LARP7: variants seen among roughly 807,000 people sequenced by gnomAD.
LARP7 encodes the protein la-related protein 7.
A neutral mutation model predicts 69.3 loss-of-function variants in LARP7; 52 were observed. The observed-to-expected ratio is 0.75, with a 90% CI of 0.60 to 0.95. LARP7 has a LOEUF of 0.95. Ranked by LOEUF, LARP7 falls within the 40% of genes least tolerant of loss-of-function variation. The pLI is 0.00. For missense variants in LARP7, 733 were observed against 673.0 expected (o/e 1.09, Z -0.99); for synonymous variants, 254 against 215.9 (o/e 1.18, Z -1.55).
At chr4:112,641,550 C>T (rs936591249) in intron 1 of LARP7, among the ~76,000 whole-genome samples, 1 of 152,078 alleles carries the variant, frequency 6.6e-6, no homozygotes, top group African/African-American at 2.4e-5. Flanking sequence ...GTTCAGACAA[C>T]GCAGTAGTAG....
chr4:112,653,267 T>C (rs1299032406), intron 11 of LARP7, 31 bp downstream of exon 11: 2 of 1,537,984 alleles, frequency 1.3e-6, no homozygotes, highest in Non-Finnish European at 1.7e-6. Flanking sequence ...CCTTTTTTTT[T>C]TGTTATCATC....
chr4:112,644,039 A>G (rs6843988), intron 1 of LARP7, among the ~76,000 whole-genome samples: 150,674 of 152,066 alleles, frequency 0.99, 74,665 homozygotes, highest in Middle Eastern at 1. Context: ...ACAGCAATTC[A>G]AGACAAACCT....
Position 112,654,075 on chromosome 4 carries a change from C to A in LARP7, c.1584C>A (p.His528Gln). ...CWKLEILSGD[H>Q]EQRYWQKILV... ...TCTTTGTTTGTTTTTAAGGTGATCACGAACAAAGGTATTGGCAGAAGATTT... is the reference window on the plus strand; with the variant it reads ...TCTTTGTTTGTTTTTAAGGTGATCAAGAACAAAGGTATTGGCAGAAGATTT... Residue 528 changes from histidine to glutamine, a missense_variant, in exon 12 of 13, where the codon CAC becomes CAA. His to Gln is a conservative substitution (Grantham distance 24). Coordinates refer to ENST00000344442, the MANE Select transcript of LARP7 (RefSeq NM_016648.4). 6.2e-7 allele frequency: 1 copy of A among 1,612,428 alleles called. No homozygotes were observed. Among genetic ancestry groups the A allele is most frequent in the South Asian group, 1.1e-5 (1 of 91,050 alleles).
In LARP7 at chr4:112,657,286, C is replaced by T. The variant is rs1353582035; in HGVS notation, c.1708C>T (p.Gln570Ter). Residue 570 changes from glutamine to a stop codon, truncating the protein, a stop_gained, in exon 13 of 13, where the codon CAA becomes TAA. Coordinates refer to ENST00000344442, the MANE Select transcript of LARP7 (RefSeq NM_016648.4). LOFTEE classifies it high-confidence loss of function. ...KAEKIRLAKT[Q>*]QASKHIRFSE... ...TGAAAAGATTAGACTGGCAAAGACTCAACAAGCGAGTAAACATATAAGATT... is the reference window on the plus strand; with the variant it reads ...TGAAAAGATTAGACTGGCAAAGACTTAACAAGCGAGTAAACATATAAGATT... The T allele has an allele frequency of 1.3e-6, 2 of 1,587,836 alleles. No homozygotes were observed. The highest frequency in any genetic ancestry group is 2.7e-5 in the African/African-American group (2 of 73,498).
chr4:112,641,089 CTTTAT>C (rs141668123), intron 1 of LARP7, among the ~76,000 whole-genome samples: 2,026 of 152,228 alleles, frequency 0.013, 55 homozygotes, highest in African/African-American at 0.047. Context: ...GGTTTTTGGA[CTTTAT>C]TTTGAGTGTG....
intron 11 of LARP7, 86 bp downstream of exon 11, chr4:112,653,322 GTT>G (rs1331034655): frequency 4.7e-4 from 415 of 874,516 alleles, no homozygotes; most frequent in Middle Eastern, 1.2e-3. Flanking sequence ...AATGAAACTA[GTT>G]TTTTTTTTTT....
At chr4:112,649,777 A>G in intron 9 of LARP7, 91 bp downstream of exon 9, 3 of 815,864 alleles carry the variant, frequency 3.7e-6, no homozygotes, top group Non-Finnish European at 5.3e-6. Flanking sequence ...TTTTAATTTT[A>G]AAAAACTTGA....
chr4:112,648,298 C>T (rs759670726), intron 8 of LARP7: 14 of 527,462 alleles, frequency 2.7e-5, no homozygotes, highest in Non-Finnish European at 3.9e-5. Context: ...CTGTAACAAG[C>T]TTAGTAACCT....
At chr4:112,644,246 A>G (rs1317466840) in intron 1 of LARP7, 2 of 195,558 alleles carry the variant, frequency 1.0e-5, no homozygotes, top group African/African-American at 4.8e-5. Context: ...GTCTCCAAGA[A>G]AAAAAAAAAA....
rs1352102849 is a variant in LARP7 at position 112,653,146 on chromosome 4, A to G, written c.1486A>G (p.Arg496Gly). 1 of 1,611,274 alleles carries G rather than the reference A, an allele frequency of 6.2e-7. No individual in the cohort carries two copies. The highest frequency in any genetic ancestry group is 1.7e-5 in the Admixed American group (1 of 59,604). Residue 496 changes from arginine (R) to glycine (G), a missense_variant, in exon 11 of 13, where the codon AGA becomes GGA. Transcript: ENST00000344442. ...AGAAGGGGATACAGAATGCCATGCT[A>G]GATTTAAAACTCCTGAGGATGCTCA... ...LLEGDTECHA[R>G]FKTPEDAQAV...
rs114318553 is a variant in LARP7 at position 112,648,539 on chromosome 4, T to G, written c.1142+705T>G. The G allele has an allele frequency of 5.7e-3, 3,036 of 529,724 alleles. 16 individuals carry two copies. Among genetic ancestry groups the G allele is most frequent in the Non-Finnish European group, 9.3e-3 (2,400 of 257,270 alleles). The allele number at this position is 529,724 out of a possible 1,614,324, so 32.8% of individuals were successfully genotyped here. A position where few individuals can be genotyped will look rare whatever the true frequency, so the allele number is the denominator to read the frequency against. ...TTTAAAGTCACAGAAAGCACTTCCA[T>G]GTTAAAGTTGAAGGGAGCCCACCCA... On this transcript the variant is annotated intron_variant, in intron 8 of 12. Coordinates refer to ENST00000344442, the MANE Select transcript of LARP7 (RefSeq NM_016648.4).
At chr4:112,644,966 A>ATTTTTTTT (rs2048115316) in intron 2 of LARP7, 95 bp downstream of exon 2, 2 of 102,038 alleles carry the variant, frequency 2.0e-5, no homozygotes, top group African/African-American at 1.3e-4. Context: ...TTTTTTTTTG[A>ATTTTTTTT]GTTGGAGTCT....
At chr4:112,642,646 C>T (rs2048006734) in intron 1 of LARP7, among the ~76,000 whole-genome samples, 1 of 152,210 alleles carries the variant, frequency 6.6e-6, no homozygotes, top group Non-Finnish European at 1.5e-5. Context: ...GTAGATGCAG[C>T]TTCTTCATCC....
intron 1 of LARP7, among the ~76,000 whole-genome samples, chr4:112,643,843 C>T (rs1377048599): frequency 6.6e-6 from 1 of 150,688 alleles, no homozygotes; most frequent in Non-Finnish European, 1.5e-5. Flanking sequence ...CAGAGGAAGA[C>T]TGCCTCAAAG....
At chr4:112,648,949 G>T (rs1255258074) in intron 8 of LARP7, among the ~76,000 whole-genome samples, 2 of 139,950 alleles carry the variant, frequency 1.4e-5, no homozygotes, top group East Asian at 4.2e-4. Flanking sequence ...AAAAGAAAAA[G>T]AAAATCTCCT....
At chr4:112,642,905 C>T (rs182768058) in intron 1 of LARP7, among the ~76,000 whole-genome samples, 2 of 152,348 alleles carry the variant, frequency 1.3e-5, no homozygotes, top group East Asian at 3.9e-4. Context: ...GAAACAGATA[C>T]AACACCCCCA....
chr4:112,644,244 GAAA>G (rs577425889), intron 1 of LARP7: 15 of 83,172 alleles, frequency 1.8e-4, no homozygotes, highest in South Asian at 5.4e-4. Flanking sequence ...CTGTCTCCAA[GAAA>G]AAAAAAAAAA....
At chr4:112,644,167 G>A (rs372849708) in intron 1 of LARP7, 3 of 165,204 alleles carry the variant, frequency 1.8e-5, no homozygotes, top group Admixed American at 6.4e-5. Context: ...GCTTGAACCC[G>A]GGAGATGGAG....
At chr4:112,648,459 C>T (rs759249853) in intron 8 of LARP7, 1 of 533,950 alleles carries the variant, frequency 1.9e-6, no homozygotes, top group Non-Finnish European at 3.9e-6. Context: ...TTAGCGTGTT[C>T]TATTTTGGAG....
Sources: gnomAD v4.1 joint callset for allele counts (sites outside exome capture counted in the v4.1 genomes callset) on GRCh38, gnomAD v4.1.1 for gene constraint, MANE v1.5 for transcripts, NCBI Gene and HGNC (gene_info 2026-07-23, HGNC 2026-07-21) for gene names.